Variants in MAP3K20 observed in about 807,000 individuals in gnomAD.
MAP3K20 encodes the protein HCCS-4.
MAP3K20 carries 40 observed loss-of-function variants against 85.7 expected under a neutral mutation model. The ratio of observed to expected loss-of-function variants is 0.47; its 90% CI spans 0.36 to 0.61. The LOEUF is 0.61. MAP3K20 is among the 20% of genes least tolerant of loss of function. The pLI is 0.00. For missense variants in MAP3K20, 817 were observed against 961.7 expected (o/e 0.85, Z 1.99); for synonymous variants, 325 against 327.7 (o/e 0.99, Z 0.09).
intron 2 of MAP3K20, among the ~76,000 whole-genome samples, chr2:173,138,212 G>A (rs1028189743): frequency 3.9e-5 from 6 of 152,064 alleles, no homozygotes; most frequent in African/African-American, 9.7e-5. Context: ...CTCGTGTTTC[G>A]CCCGCCTCGG....
At position 173,173,154 on chromosome 2, in the gene MAP3K20, CTGTGTGTGTGTGTG is replaced by C. The variant is rs57836780; in HGVS notation, c.247+3292_247+3305del. On this transcript the variant is annotated intron_variant, in intron 3 of 19. Transcript: ENST00000375213. The stretch of plus-strand genomic sequence containing the variant: ...CTGTACTACTCCCATTCTTTTATTT[CTGTGTGTGTGTGTG>C]TGTGTGTGTGTGTGTGTGTGTGTGT... 1.5e-3 allele frequency among the ~76,000 whole-genome samples: 204 copies of C among 138,610 alleles called. 1 individual carries two copies. Among genetic ancestry groups the C allele is most frequent in the African/African-American group, 3.9e-3 (148 of 38,428 alleles). 90.9% of individuals were successfully genotyped at this position (138,610 alleles called of 152,430 possible).
rs1294380444 is a variant in MAP3K20, at chr2:173,258,703, G to A, written c.1364G>A (p.Cys455Tyr). 1.3e-6 allele frequency: 2 copies of A among 1,592,688 alleles called. No homozygotes were observed. Among genetic ancestry groups the A allele is most frequent in the Admixed American group, 1.7e-5 (1 of 58,372 alleles). ...TAATTTTGTTTTTAATTCCAGGATT[G>A]TAAGTGGAAAATGTATATGGAGATG... ...HLKPGTGPQD[C>Y]KWKMYMEMDG... Residue 455 changes from cysteine to tyrosine, a missense_variant, in exon 17 of 20, where the codon TGT becomes TAT. Coordinates refer to ENST00000375213, the MANE Select transcript of MAP3K20 (RefSeq NM_016653.3).
At chr2:173,186,107 T>C (rs1300800234) in intron 4 of MAP3K20, among the ~76,000 whole-genome samples, 4 of 152,222 alleles carry the variant, frequency 2.6e-5, no homozygotes, top group Non-Finnish European at 5.9e-5. Flanking sequence ...TTTATGGTAC[T>C]TTTTTCTTAT....
At chr2:173,186,381 C>T (rs1690485636) in intron 4 of MAP3K20, among the ~76,000 whole-genome samples, 2 of 152,082 alleles carry the variant, frequency 1.3e-5, no homozygotes, top group African/African-American at 4.8e-5. Flanking sequence ...AACTTCTTAT[C>T]AGAAGAGAAA....
chr2:173,080,438 G>T (rs896468209), intron 1 of MAP3K20, among the ~76,000 whole-genome samples: 1 of 152,174 alleles, frequency 6.6e-6, no homozygotes, highest in Non-Finnish European at 1.5e-5. Context: ...TCTGGAGCCT[G>T]GGAAGTCCAG....
intron 2 of MAP3K20, among the ~76,000 whole-genome samples, chr2:173,141,872 A>G (rs1688985731): frequency 6.6e-6 from 1 of 152,248 alleles, no homozygotes; most frequent in South Asian, 2.1e-4. Context: ...AATACCAGTT[A>G]CTTCTCACTA....
intron 10 of MAP3K20, chr2:173,211,586 A>C (rs1683895132): frequency 6.6e-6 from 1 of 152,144 alleles, no homozygotes; most frequent in Non-Finnish European, 1.5e-5. Flanking sequence ...GTGCTCTGAG[A>C]GCATCTCCTT....
intron 11 of MAP3K20, chr2:173,223,457 G>A (rs1310290727): frequency 1.8e-5 from 18 of 985,334 alleles, no homozygotes; most frequent in Non-Finnish European, 2.0e-5. Flanking sequence ...ACTATGAATG[G>A]TGCCAGTGAA....
intron 2 of MAP3K20, among the ~76,000 whole-genome samples, chr2:173,093,574 CAA>C (rs897147552): frequency 1.3e-5 from 2 of 151,722 alleles, no homozygotes; most frequent in Non-Finnish European, 2.9e-5. Context: ...TATTTAAAAA[CAA>C]AAAAGAAAGA....
At chr2:173,230,052 G>A (rs1035014748) in intron 12 of MAP3K20, among the ~76,000 whole-genome samples, 13 of 152,182 alleles carry the variant, frequency 8.5e-5, no homozygotes, top group Non-Finnish European at 1.6e-4. Flanking sequence ...GGCTGGTCTC[G>A]AACTCCTGAC....
chr2:173,103,567 ATC>A (rs1225133555), intron 2 of MAP3K20, among the ~76,000 whole-genome samples: 2 of 152,190 alleles, frequency 1.3e-5, no homozygotes, highest in Non-Finnish European at 2.9e-5. Flanking sequence ...TATCTCTGAA[ATC>A]TCTCTCACCT....
chr2:173,134,668 T>G (rs1480763207), intron 2 of MAP3K20, among the ~76,000 whole-genome samples: 1 of 151,442 alleles, frequency 6.6e-6, no homozygotes, highest in Non-Finnish European at 1.5e-5. Context: ...ACATTGGAAC[T>G]GATACTTCCT....
At chr2:173,166,913 T>TTG (rs1267118120) in intron 2 of MAP3K20, 3 of 144,510 alleles carry the variant, frequency 2.1e-5, no homozygotes, top group African/African-American at 7.7e-5. Context: ...TTTTTCTGTT[T>TTG]TTTTTTTTTT....
At chr2:173,227,095 T>G (rs16861385) in intron 11 of MAP3K20, 1 of 985,920 alleles carries the variant, frequency 1.0e-6, no homozygotes, top group South Asian at 4.7e-5. Flanking sequence ...AACTTTTCTT[T>G]GCTTTCCTTT....
At chr2:173,214,193 A>T (rs973753769) in intron 10 of MAP3K20, 8 of 107,072 alleles carry the variant, frequency 7.5e-5, no homozygotes, top group Admixed American at 6.0e-4. Flanking sequence ...CTTTCCTTTG[A>T]CCTAATAAAT....
intron 14 of MAP3K20, among the ~76,000 whole-genome samples, chr2:173,234,681 GA>G (rs1373249377): frequency 3.3e-5 from 5 of 152,206 alleles, no homozygotes; most frequent in Non-Finnish European, 7.3e-5. Context: ...TGGAGGAACA[GA>G]AAAGAGGAGT....
chr2:173,140,284 A>G (rs1688932230), intron 2 of MAP3K20, among the ~76,000 whole-genome samples: 1 of 152,076 alleles, frequency 6.6e-6, no homozygotes, highest in Non-Finnish European at 1.5e-5. Flanking sequence ...TGCTGGGATT[A>G]CAGGCATGAG....
At chr2:173,102,448 T>C (rs2106161899) in intron 2 of MAP3K20, among the ~76,000 whole-genome samples, 1 of 152,322 alleles carries the variant, frequency 6.6e-6, no homozygotes, top group East Asian at 1.9e-4. Context: ...CAAAAAGGAA[T>C]CCAAGATGCT....
chr2:173,266,738 G>A lies in MAP3K20; in HGVS notation c.2391G>A (p.Trp797Ter). ...GAGCCAGAGGGGACCACCGTGGATGGAGAAACTTTTGATGAATTGAACTAC... is the reference window on the plus strand; with the variant it reads ...GAGCCAGAGGGGACCACCGTGGATGAAGAAACTTTTGATGAATTGAACTAC... ...KERARGDHRG[W>*]RNF The change falls in exon 20 of 20, where the codon TGG becomes TGA. Residue 797 changes from tryptophan (W) to a stop codon, truncating the protein, a stop_gained. Transcript: ENST00000375213. LOFTEE classifies it high-confidence loss of function. 1 of 1,486,890 alleles carries A rather than the reference G, an allele frequency of 6.7e-7. No homozygotes were observed. Among genetic ancestry groups the A allele is most frequent in the South Asian group, 1.4e-5 (1 of 72,492 alleles). The allele number at this position is 1,486,890 out of a possible 1,614,324, so 92.1% of individuals were successfully genotyped here. A position where few individuals can be genotyped will look rare whatever the true frequency, so the allele number is the denominator to read the frequency against.
Sources: allele counts gnomAD v4.1 joint callset (sites outside exome capture counted in the v4.1 genomes callset), GRCh38; gene constraint gnomAD v4.1.1; transcripts MANE v1.5; gene names NCBI Gene and HGNC (gene_info 2026-07-23, HGNC 2026-07-21).